MAST1: variants seen among roughly 807,000 people sequenced by gnomAD.
MAST1 encodes the protein microtubule associated serine/threonine kinase 1.
Under a neutral mutation model 124.6 loss-of-function variants are expected in MAST1, and 40 were observed. That is an observed-to-expected ratio of 0.32 (90% confidence interval 0.25 to 0.42). MAST1 has a LOEUF of 0.42. MAST1 is among the 10% of genes least tolerant of loss of function. MAST1 has a pLI of 1.00. For synonymous variants in MAST1, 938 were observed against 939.4 expected (o/e 1.00, Z 0.03); for missense variants, 1,558 against 2,181.9 (o/e 0.71, Z 5.70).
rs767445495 is a variant in MAST1, at chr19:12,858,524, C to A, written c.1158-7C>A. ...TGACGGCCGGTCCTCGCTCTCTCCC[C>A]CTGCAGCGCTGTCTACCTGGTGCGG... On this transcript the variant is annotated splice_region_variant and splice_polypyrimidine_tract_variant and intron_variant, in intron 11 of 25. Coordinates refer to ENST00000251472, the MANE Select transcript of MAST1 (RefSeq NM_014975.3). 6 of 1,613,552 alleles carry A rather than the reference C, an allele frequency of 3.7e-6. No individual in the cohort carries two copies. Among genetic ancestry groups the A allele is most frequent in the Non-Finnish European group, 5.1e-6 (6 of 1,179,604 alleles).
Position 12,867,479 on chromosome 19 carries a change from T to G in MAST1, c.2145T>G (p.Tyr715Ter). 1 of 1,613,204 alleles carries G rather than the reference T, an allele frequency of 6.2e-7. No homozygotes were observed. Among genetic ancestry groups the G allele is most frequent in the Non-Finnish European group, 8.5e-7 (1 of 1,179,934 alleles). Reference protein sequence around the residue: ...SSCSPRFSKVYSSMEQLSQHE... With the variant: ...SSCSPRFSKV ...CCTCCCACCACCACCTACAGGTGTA[T>G]AGCAGCATGGAGCAGCTGTCGCAGC... The change falls in exon 19 of 26, where the codon TAT becomes TAG. Residue 715 changes from tyrosine to a stop codon, truncating the protein, a stop_gained. Transcript: ENST00000251472. LOFTEE classifies it high-confidence loss of function.
chr19:12,864,729 C>A, intron 12 of MAST1, 80 bp from the exon 13 acceptor site: 1 of 1,565,220 alleles, frequency 6.4e-7, no homozygotes, highest in South Asian at 1.1e-5. Flanking sequence ...TACAACATAA[C>A]ATGAGAAGTT....
intron 3 of MAST1, among the ~76,000 whole-genome samples, chr19:12,842,176 C>G (rs1969838043): frequency 6.6e-6 from 1 of 152,058 alleles, no homozygotes; most frequent in Admixed American, 6.5e-5. Flanking sequence ...AGGAGCAAGT[C>G]AGGTATGTCT....
At position 12,867,375 on chromosome 19, in the gene MAST1, G is replaced by A. The variant is rs2145909113; in HGVS notation, c.2140-99G>A. Reference sequence around the variant, plus strand: ...ATTGGGCGGAGCCAGGCCTCGGAGGGTGGAGTGCGTTTTGCGGGGGATCCA... The same window carrying A: ...ATTGGGCGGAGCCAGGCCTCGGAGGATGGAGTGCGTTTTGCGGGGGATCCA... On this transcript the variant is annotated intron_variant, in intron 18 of 25. Coordinates refer to ENST00000251472, the MANE Select transcript of MAST1 (RefSeq NM_014975.3). 11 of 1,376,738 alleles carry A rather than the reference G, an allele frequency of 8.0e-6. No individual in the cohort carries two copies. In the East Asian group the frequency reaches 2.5e-4, roughly 32 times the overall value. 85.3% of individuals were successfully genotyped at this position (1,376,738 alleles called of 1,614,324 possible).
At chr19:12,855,234 GA>G (rs1259034301) in intron 10 of MAST1, among the ~76,000 whole-genome samples, 2 of 151,694 alleles carry the variant, frequency 1.3e-5, no homozygotes, top group African/African-American at 2.4e-5. Flanking sequence ...ACTCCATCTT[GA>G]AAAAAATAAA....
At chr19:12,849,534 C>T (rs1008693930) in intron 7 of MAST1, among the ~76,000 whole-genome samples, 4 of 151,760 alleles carry the variant, frequency 2.6e-5, no homozygotes, top group Non-Finnish European at 5.9e-5. Flanking sequence ...CTTGGTGGCA[C>T]GTGCCTGTAA....
At chr19:12,868,234 G>T (rs577732224) in intron 20 of MAST1, among the ~76,000 whole-genome samples, 4 of 149,212 alleles carry the variant, frequency 2.7e-5, no homozygotes, top group African/African-American at 9.9e-5. Flanking sequence ...TCAGCCTCCC[G>T]AGTAGCTGGG....
At position 12,847,204 on chromosome 19, in the gene MAST1, C is replaced by T. The variant is rs549900657; in HGVS notation, c.328-86C>T. ...TGATCCTGGCCTTGCCCAGTGACCC[C>T]ATCGGCTTTGGGAGTCCCAGCTCAG... is the stretch of plus-strand genomic sequence containing the variant. On this transcript the variant is annotated intron_variant, in intron 4 of 25. Transcript: ENST00000251472. This position sits in a 1 kb window ranked among gnomAD's most constrained non-coding sequence, Gnocchi z 5.5. 2 of 831,748 alleles carry T rather than the reference C, an allele frequency of 2.4e-6. No individual in the cohort carries two copies. The highest frequency in any genetic ancestry group is 3.1e-5 in the South Asian group (2 of 64,302). The allele number at this position is 831,748 out of a possible 1,614,324, so 51.5% of individuals were successfully genotyped here.
At chr19:12,872,306 C>G (rs1005343949) in intron 24 of MAST1, among the ~76,000 whole-genome samples, 3 of 151,960 alleles carry the variant, frequency 2.0e-5, no homozygotes, top group Non-Finnish European at 4.4e-5. Flanking sequence ...TGAGTTTGGC[C>G]CAGACAAGTA....
Position 12,849,672 on chromosome 19 carries a change from T to A in MAST1, c.774+1615T>A, listed in dbSNP as rs8113673. Reference sequence around the variant, plus strand: ...GAGTGAGATTCTGTCTCAAAAAAAATAAAAATAAAAATAAAAATAATTAGC... The same window carrying A: ...GAGTGAGATTCTGTCTCAAAAAAAAAAAAAATAAAAATAAAAATAATTAGC... On this transcript the variant is annotated intron_variant, in intron 7 of 25. Transcript: ENST00000251472. 8.8e-3 allele frequency among the ~76,000 whole-genome samples: 1,327 copies of A among 151,470 alleles called. 23 individuals are homozygous for A. Among genetic ancestry groups the A allele is most frequent in the African/African-American group, 0.029 (1,206 of 41,274 alleles).
intron 10 of MAST1, among the ~76,000 whole-genome samples, chr19:12,856,690 C>G (rs1303225480): frequency 6.6e-6 from 1 of 152,154 alleles, no homozygotes; most frequent in Admixed American, 6.6e-5. Context: ...CTTTCTAAAT[C>G]CATAGACAGA....
At chr19:12,859,534 G>A (rs1443069980) in intron 12 of MAST1, among the ~76,000 whole-genome samples, 1 of 151,908 alleles carries the variant, frequency 6.6e-6, no homozygotes, top group Non-Finnish European at 1.5e-5. Context: ...TTATAGGTGC[G>A]GACCACCACA....
At chr19:12,849,545 T>A (rs1337062735) in intron 7 of MAST1, among the ~76,000 whole-genome samples, 1 of 151,838 alleles carries the variant, frequency 6.6e-6, no homozygotes, top group Non-Finnish European at 1.5e-5. Flanking sequence ...GTGCCTGTAA[T>A]CCCAGCTACT....
In MAST1 at chr19:12,867,959, G is replaced by T; in HGVS notation, c.2548G>T (p.Ala850Ser). ...EETQGEGTSS[A>S]GDSEATDRPR... ...GACTCAAGGGGAAGGCACCTCCAGC[G>T]CCGGGGACTCCGAGGCCAGTGAGTG... The change falls in exon 20 of 26, where the codon GCC becomes TCC. Residue 850 changes from alanine to serine, a missense_variant. Around this residue, in one of 10 missense-constraint regions of MAST1, gnomAD observed 287 missense variants for 308.0 expected, o/e 0.93. Coordinates refer to ENST00000251472, the MANE Select transcript of MAST1 (RefSeq NM_014975.3). 1.3e-6 allele frequency: 2 copies of T among 1,556,832 alleles called. No individual in the cohort carries two copies. The highest frequency in any genetic ancestry group is 1.7e-6 in the Non-Finnish European group (2 of 1,154,692).
At position 12,867,619 on chromosome 19, in the gene MAST1, G is replaced by T. The variant is rs757555584; in HGVS notation, c.2285G>T (p.Arg762Leu). 5 of 1,610,356 alleles carry T rather than the reference G, an allele frequency of 3.1e-6. No individual in the cohort carries two copies. The highest frequency in any genetic ancestry group is 4.2e-6 in the Non-Finnish European group (5 of 1,178,432). Reference protein sequence around the residue: ...KREGLGGLTLREKTWRGGSPE... With the variant: ...KREGLGGLTLLEKTWRGGSPE... ...GAGGGGCTGGGCGGCCTGACCCTGC[G>T]TGAGAAGACCTGGAGAGGGGGCTCT... The change falls in exon 19 of 26, where the codon CGT (arginine) becomes CTT (leucine). Residue 762 changes from arginine to leucine, a missense_variant. Arg to Leu is a moderately radical substitution (Grantham distance 102). Transcript: ENST00000251472.
intron 1 of MAST1, among the ~76,000 whole-genome samples, chr19:12,839,935 C>T (rs1599574442): frequency 2.0e-5 from 3 of 152,146 alleles, no homozygotes; most frequent in Admixed American, 2.0e-4. Flanking sequence ...AATAATACAA[C>T]CTGCCTGTGT....
At chr19:12,857,416 T>C (rs1343339138) in intron 10 of MAST1, among the ~76,000 whole-genome samples, 1 of 141,400 alleles carries the variant, frequency 7.1e-6, no homozygotes, top group Non-Finnish European at 1.6e-5. Context: ...GCCAAGAATC[T>C]TTTTTTTTTT....
intron 7 of MAST1, among the ~76,000 whole-genome samples, chr19:12,850,621 C>T (rs1173003186): frequency 6.6e-6 from 1 of 152,198 alleles, no homozygotes; most frequent in African/African-American, 2.4e-5. Context: ...TAGACATTTT[C>T]AAAGACACAT....
At chr19:12,858,464 G>C (rs756780459) in intron 11 of MAST1, 23 bp downstream of exon 11, 23 of 1,612,194 alleles carry the variant, frequency 1.4e-5, no homozygotes, top group East Asian at 2.2e-5. Context: ...GGGCTCTGGC[G>C]GGGGGAGGGT....
Sources: allele counts gnomAD v4.1 joint callset (sites outside exome capture counted in the v4.1 genomes callset), GRCh38; gene constraint gnomAD v4.1.1; regional missense constraint gnomAD v4.1.1; non-coding constraint Gnocchi (gnomAD v3.1); transcripts MANE v1.5; gene names NCBI Gene and HGNC (gene_info 2026-07-23, HGNC 2026-07-21).